Variants in B3GLCT observed in about 807,000 individuals in gnomAD.
B3GLCT encodes beta-1,3-glucosyltransferase.
In B3GLCT, 65 loss-of-function variants were observed where a neutral mutation model predicts 63.4. The ratio of observed to expected loss-of-function variants is 1.03; its 90% confidence interval spans 0.84 to 1.26. The LOEUF is 1.26. Ranked by LOEUF, B3GLCT falls within the 50% of genes most tolerant of loss-of-function variation. B3GLCT has a pLI of 0.00. For synonymous variants in B3GLCT, 233 were observed against 219.2 expected, an observed-to-expected ratio of 1.06 and a Z score of -0.55; for missense variants, 577 against 604.8, an observed-to-expected ratio of 0.95 and a Z score of 0.48.
chr13:31,208,321 A>G (rs996666528), intron 1 of B3GLCT, among the ~76,000 whole-genome samples: 1 of 151,926 alleles, frequency 6.6e-6, no homozygotes, highest in East Asian at 1.9e-4. Flanking sequence ...TTGTCCTTAA[A>G]TGTTGCAGTT....
chr13:31,264,618 A>G (rs1338208044), intron 7 of B3GLCT, among the ~76,000 whole-genome samples: 2 of 152,206 alleles, frequency 1.3e-5, no homozygotes, highest in Non-Finnish European at 2.9e-5. Context: ...CATAGCAACT[A>G]TCTTGTGGTC....
chr13:31,260,570 A>G (rs1350352009), intron 6 of B3GLCT: 1 of 163,784 alleles, frequency 6.1e-6, no homozygotes, highest in Admixed American at 6.2e-5. Flanking sequence ...ACTGATTCTG[A>G]AAGGAATTTT....
chr13:31,282,098 G>C (rs1873098300), intron 10 of B3GLCT, among the ~76,000 whole-genome samples: 2 of 152,094 alleles, frequency 1.3e-5, no homozygotes, highest in African/African-American at 4.8e-5. Flanking sequence ...CTTCTTTATT[G>C]AAAAGGAGAT....
Position 31,247,104 on chromosome 13 carries a change from G to T in B3GLCT, c.347+5G>T. Reference sequence around the variant, plus strand: ...CATACTTCCGTTGTTACCGCAGTACGTTTGTTTAACTCACCTGTGAATTAC... The same window carrying T: ...CATACTTCCGTTGTTACCGCAGTACTTTTGTTTAACTCACCTGTGAATTAC... On this transcript the variant is annotated splice_donor_5th_base_variant and intron_variant, in intron 5 of 14. Coordinates refer to ENST00000343307, the MANE Select transcript of B3GLCT (RefSeq NM_194318.4). 1.9e-6 allele frequency: 3 copies of T among 1,609,226 alleles called. No homozygotes were observed. The East Asian group carries it at 6.7e-5, about 36-fold the overall frequency.
chr13:31,204,653 G>A (rs1259257620), intron 1 of B3GLCT, among the ~76,000 whole-genome samples: 1 of 152,168 alleles, frequency 6.6e-6, no homozygotes, highest in Non-Finnish European at 1.5e-5. Context: ...AAGGGCTGTA[G>A]TGGGGCAGTA....
intron 1 of B3GLCT, among the ~76,000 whole-genome samples, chr13:31,213,621 A>AAC (rs1264368259): frequency 1.8e-5 from 1 of 55,014 alleles, no homozygotes; most frequent in African/African-American, 7.6e-5. Context: ...CCCCCACCCC[A>AAC]CCCCCCCCCC....
At chr13:31,252,168 T>C (rs1871460051) in intron 6 of B3GLCT, among the ~76,000 whole-genome samples, 1 of 152,150 alleles carries the variant, frequency 6.6e-6, no homozygotes, top group East Asian at 1.9e-4. Context: ...AAAGAAATGC[T>C]GAGAGATTTT....
intron 4 of B3GLCT, among the ~76,000 whole-genome samples, chr13:31,233,128 CAAATGA>C (rs1870466045): frequency 6.6e-6 from 1 of 152,104 alleles, no homozygotes; most frequent in African/African-American, 2.4e-5. Flanking sequence ...AGAAATTTAT[CAAATGA>C]AAATGAAAAT....
rs956364095 is a variant in B3GLCT at position 31,331,899 on chromosome 13, A to C, written c.*2231A>C. ...TTTTTAGGCTAGGGATGTTAACATC[A>C]GGGATTTGTGTGTGGAATAACTGGA... On this transcript the variant is annotated 3_prime_UTR_variant, in exon 15 of 15. Transcript: ENST00000343307. 1.3e-5 allele frequency: 2 copies of C among 152,210 alleles called. No individual in the cohort carries two copies. Among genetic ancestry groups the C allele is most frequent in the East Asian group, 3.8e-4 (2 of 5,200 alleles). The allele number at this position is 152,210 out of a possible 1,614,324, so 9.4% of individuals were successfully genotyped here. A position where few individuals can be genotyped will look rare whatever the true frequency, so the allele number is the denominator to read the frequency against.
rs775154921 is a variant in B3GLCT at position 31,329,677 on chromosome 13, G to A, written c.*9G>A. The stretch of plus-strand genomic sequence containing the variant: ...TTCGAGAGGAGTTATAAATCAGGGT[G>A]ACCTGTGCGCCTAGCCTGCGCAGGG... On this transcript the variant is annotated 3_prime_UTR_variant, in exon 15 of 15. Coordinates refer to ENST00000343307, the MANE Select transcript of B3GLCT (RefSeq NM_194318.4). The A allele has an allele frequency of 6.2e-7, 1 of 1,614,008 alleles. No homozygotes were observed. Among genetic ancestry groups the A allele is most frequent in the East Asian group, 2.2e-5 (1 of 44,868 alleles).
At chr13:31,202,498 G>T (rs922669607) in intron 1 of B3GLCT, among the ~76,000 whole-genome samples, 2 of 152,176 alleles carry the variant, frequency 1.3e-5, no homozygotes, top group African/African-American at 4.8e-5. Flanking sequence ...GAGATTGACA[G>T]CCACCTGCGA....
At chr13:31,264,861 A>G (rs1049015646) in intron 7 of B3GLCT, among the ~76,000 whole-genome samples, 1 of 152,252 alleles carries the variant, frequency 6.6e-6, no homozygotes, top group African/African-American at 2.4e-5. Flanking sequence ...AATAGGAAGC[A>G]ACTCAAACTG....
chr13:31,226,348 A>G (rs117859847), intron 3 of B3GLCT, among the ~76,000 whole-genome samples: 1 of 152,252 alleles, frequency 6.6e-6, no homozygotes, highest in Non-Finnish European at 1.5e-5. Context: ...TGAAGCGTGC[A>G]TGATTGAAGT....
chr13:31,265,094 G>A (rs2137837718), intron 7 of B3GLCT, among the ~76,000 whole-genome samples: 1 of 152,320 alleles, frequency 6.6e-6, no homozygotes, highest in Non-Finnish European at 1.5e-5. Flanking sequence ...AACCATGAAT[G>A]GTAAGTGCTT....
At chr13:31,300,474 G>A (rs781621671) in intron 12 of B3GLCT, among the ~76,000 whole-genome samples, 8 of 152,304 alleles carry the variant, frequency 5.3e-5, no homozygotes, top group Non-Finnish European at 1.0e-4. Context: ...TGGAAGGACT[G>A]GAGTTATTAC....
intron 12 of B3GLCT, among the ~76,000 whole-genome samples, chr13:31,298,425 C>T (rs1426398198): frequency 6.6e-6 from 1 of 152,160 alleles, no homozygotes; most frequent in African/African-American, 2.4e-5. Context: ...TTGCAGGCTT[C>T]CCTTCAATCT....
In B3GLCT at chr13:31,293,917, T is replaced by A. The variant is rs139529212; in HGVS notation, c.1064+7098T>A. ...TTCATAGTGTCGAAGGTCTTTACAA[T>A]TTGATATGTTTTTGCAGTGGCTGGT... On this transcript the variant is annotated intron_variant, in intron 12 of 14. Coordinates refer to ENST00000343307, the MANE Select transcript of B3GLCT (RefSeq NM_194318.4). Among the ~76,000 whole-genome samples the A allele has an allele frequency of 5.0e-4, 76 of 152,324 alleles. No homozygotes were observed. In the East Asian group the frequency reaches 0.014, roughly 29 times the overall value.
intron 13 of B3GLCT, among the ~76,000 whole-genome samples, chr13:31,320,743 T>C (rs1395601988): frequency 6.6e-6 from 1 of 152,198 alleles, no homozygotes; most frequent in Non-Finnish European, 1.5e-5. Context: ...TACACCCTTA[T>C]CTTAAAGAAC....
intron 2 of B3GLCT, among the ~76,000 whole-genome samples, chr13:31,220,788 A>G (rs1218657005): frequency 6.6e-6 from 1 of 152,196 alleles, no homozygotes; most frequent in Admixed American, 6.5e-5. Context: ...AAGATGTATC[A>G]TTTTTGTTGC....
Sources: gnomAD v4.1 joint callset for allele counts (sites outside exome capture counted in the v4.1 genomes callset) on GRCh38, gnomAD v4.1.1 for gene constraint, MANE v1.5 for transcripts, NCBI Gene and HGNC (gene_info 2026-07-23, HGNC 2026-07-21) for gene names.